Variants in CEMIP observed in about 807,000 individuals in gnomAD.
The protein encoded by CEMIP is cell migration-inducing and hyaluronan-binding protein.
In CEMIP, 105 loss-of-function variants were observed where a neutral mutation model predicts 156.9. That is an observed-to-expected ratio of 0.67 (90% CI 0.57 to 0.79). The LOEUF (loss-of-function observed/expected upper bound fraction) is 0.79, where lower values mean the gene tolerates loss of function less well. Among genes scored for constraint, CEMIP ranks in the 30% least tolerant of loss-of-function variants. The pLI, the probability that CEMIP is intolerant of heterozygous loss-of-function variation, is 0.00. For missense variants in CEMIP, 1,457 were observed against 1,769.4 expected (o/e 0.82, Z 3.17); for synonymous variants, 676 against 668.4 (o/e 1.01, Z -0.17).
At chr15:80,787,387 C>A (rs1239701137) in intron 1 of CEMIP, among the ~76,000 whole-genome samples, 1 of 152,222 alleles carries the variant, frequency 6.6e-6, no homozygotes, top group African/African-American at 2.4e-5. Context: ...AGATGGGTTT[C>A]CCTCCAGGAT....
chr15:80,891,365 G>A (rs1268434061), intron 10 of CEMIP, among the ~76,000 whole-genome samples: 3 of 152,200 alleles, frequency 2.0e-5, no homozygotes, highest in Non-Finnish European at 4.4e-5. Flanking sequence ...CCCAGGCTGA[G>A]AGCTCCATAA....
At position 80,948,916 on chromosome 15, in the gene CEMIP, A is replaced by T. The variant is rs1466978961; in HGVS notation, c.4078A>T (p.Lys1360Ter). Residue 1360 changes from lysine to a stop codon, truncating the protein, a stop_gained, in exon 30 of 30, where the codon AAG becomes TAG. Transcript: ENST00000394685. LOFTEE classifies it high-confidence loss of function. ...VVPIPVVKKK[K>*]L ...GCCCATCCCTGTGGTGAAGAAGAAG[A>T]AGTTGTGAGGACAGCTGCCGCCCGG... 1.9e-6 allele frequency: 3 copies of T among 1,611,204 alleles called. No individual in the cohort carries two copies. Among genetic ancestry groups the T allele is most frequent in the African/African-American group, 1.3e-5 (1 of 75,024 alleles).
intron 1 of CEMIP, among the ~76,000 whole-genome samples, chr15:80,826,044 G>A (rs557854813): frequency 1.3e-5 from 2 of 152,250 alleles, no homozygotes; most frequent in African/African-American, 4.8e-5. Flanking sequence ...CCATCTGCAC[G>A]TCTTTCTTCT....
At position 80,810,978 on chromosome 15, in the gene CEMIP, C is replaced by T. The variant is rs376868450; in HGVS notation, c.-176+31364C>T. On this transcript the variant is annotated intron_variant, in intron 1 of 29. Transcript: ENST00000394685. ...GTCCATTCATTTGCCTGTCTATTTA[C>T]CAACCTACCCATCACGCAGACATCA... Among the ~76,000 whole-genome samples, 8 of 152,268 alleles carry T rather than the reference C, an allele frequency of 5.3e-5. 1 individual carries two copies. The highest frequency in any genetic ancestry group is 1.5e-5 in the Non-Finnish European group (1 of 68,028).
At chr15:80,829,363 T>C (rs930869916) in intron 1 of CEMIP, among the ~76,000 whole-genome samples, 1 of 152,200 alleles carries the variant, frequency 6.6e-6, no homozygotes, top group African/African-American at 2.4e-5. Context: ...CTGATGCCTT[T>C]GGGAATGAGA....
intron 1 of CEMIP, among the ~76,000 whole-genome samples, chr15:80,823,581 C>T (rs1389447320): frequency 1.3e-5 from 2 of 152,156 alleles, no homozygotes; most frequent in Non-Finnish European, 2.9e-5. Flanking sequence ...ATCCTCAAAC[C>T]ACCCACGCCA....
At chr15:80,785,563 G>A (rs904631874) in intron 1 of CEMIP, among the ~76,000 whole-genome samples, 4 of 152,236 alleles carry the variant, frequency 2.6e-5, no homozygotes, top group African/African-American at 9.6e-5. Flanking sequence ...AGAGCTGGCA[G>A]CCTGGTGAGA....
chr15:80,948,616 C>A (rs1901670355), intron 29 of CEMIP, 181 bp from the exon 30 acceptor site: 2 of 814,238 alleles, frequency 2.5e-6, no homozygotes, highest in Non-Finnish European at 4.1e-6. Flanking sequence ...CTGCCCCATA[C>A]AAACACATGT....
At chr15:80,823,239 T>A (rs11637649) in intron 1 of CEMIP, among the ~76,000 whole-genome samples, 23,640 of 152,118 alleles carry the variant, frequency 0.16, 2,387 homozygotes, top group East Asian at 0.4. Context: ...TTTACAGATA[T>A]TTGTATGTGT....
At position 80,949,274 on chromosome 15, in the gene CEMIP, G is replaced by A. The variant is rs981811174; in HGVS notation, c.*350G>A. 7.1e-5 allele frequency: 27 copies of A among 379,834 alleles called. No homozygotes were observed. Among genetic ancestry groups the A allele is most frequent in the African/African-American group, 5.6e-4 (27 of 47,918 alleles). The allele number at this position is 379,834 out of a possible 1,614,324, so 23.5% of individuals were successfully genotyped here. On this transcript the variant is annotated 3_prime_UTR_variant, in exon 30 of 30. Coordinates refer to ENST00000394685, the MANE Select transcript of CEMIP (RefSeq NM_001293298.2). ...ACAGCAAAGATCCACTTTGGCAGGAGCCCTGACCCAGCTAGGAGGTAGTCT... is the reference window on the plus strand; with the variant it reads ...ACAGCAAAGATCCACTTTGGCAGGAACCCTGACCCAGCTAGGAGGTAGTCT...
chr15:80,840,185 G>GTTC (rs911603478), intron 1 of CEMIP, among the ~76,000 whole-genome samples: 5 of 152,348 alleles, frequency 3.3e-5, no homozygotes, highest in African/African-American at 1.2e-4. Flanking sequence ...GGGGATCAGT[G>GTTC]TTCTCCAGGA....
chr15:80,794,970 G>A (rs1279191130), intron 1 of CEMIP, among the ~76,000 whole-genome samples: 2 of 152,100 alleles, frequency 1.3e-5, no homozygotes, highest in East Asian at 3.9e-4. Context: ...GGAGGATAGT[G>A]AGTAGAAGCT....
intron 28 of CEMIP, among the ~76,000 whole-genome samples, chr15:80,945,815 T>C (rs1244321892): frequency 6.6e-6 from 1 of 152,222 alleles, no homozygotes; most frequent in South Asian, 2.1e-4. Flanking sequence ...CACTTCCTCC[T>C]ATCTGGCCCA....
intron 1 of CEMIP, among the ~76,000 whole-genome samples, chr15:80,824,449 A>G (rs1332623987): frequency 6.6e-6 from 1 of 152,136 alleles, no homozygotes; most frequent in Non-Finnish European, 1.5e-5. Context: ...GGCATCCCTG[A>G]AGAGTTCTGC....
chr15:80,874,163 T>A (rs1898393605), intron 3 of CEMIP, among the ~76,000 whole-genome samples, 190 bp downstream of exon 3: 1 of 152,242 alleles, frequency 6.6e-6, no homozygotes, highest in Non-Finnish European at 1.5e-5. Flanking sequence ...AGTTTCATCA[T>A]CCACAAAATG....
At position 80,906,559 on chromosome 15, in the gene CEMIP, A is replaced by G. The variant is rs1317844781; in HGVS notation, c.1412-104A>G. ...CATGAGACCACTGTGCACACCAGGCATGGCGATGAGTAAGCAGCAGCCATG... is the reference window on the plus strand; with the variant it reads ...CATGAGACCACTGTGCACACCAGGCGTGGCGATGAGTAAGCAGCAGCCATG... On this transcript the variant is annotated intron_variant, in intron 12 of 29. Coordinates refer to ENST00000394685, the MANE Select transcript of CEMIP (RefSeq NM_001293298.2). The surrounding 1 kb of genome is among the most constrained non-coding windows in gnomAD (Gnocchi z 4.3). The G allele has an allele frequency of 8.6e-7, 1 of 1,165,494 alleles. No individual in the cohort carries two copies. The highest frequency in any genetic ancestry group is 1.5e-5 in the African/African-American group (1 of 65,732). 72.2% of individuals were successfully genotyped at this position (1,165,494 alleles called of 1,614,324 possible). A position where few individuals can be genotyped will look rare whatever the true frequency, so the allele number is the denominator to read the frequency against.
In CEMIP at chr15:80,921,041, C is replaced by T. The variant is rs1900452959; in HGVS notation, c.2013C>T (p.Ser671=). ...PKPRQDCNAV[S]TFWMANPNNN... is the part of the protein sequence containing the mutation. Reference sequence around the variant, plus strand: ...TCTGCCCTCCCTGCAGTGCTGTGTCCACCTTCTGGATGGCCAATCCCAACA... The same window carrying T: ...TCTGCCCTCCCTGCAGTGCTGTGTCTACCTTCTGGATGGCCAATCCCAACA... The change falls in exon 16 of 30, where the codon TCC becomes TCT. Residue 671 remains serine (S), a synonymous_variant. Coordinates refer to ENST00000394685, the MANE Select transcript of CEMIP (RefSeq NM_001293298.2). 6.2e-7 allele frequency: 1 copy of T among 1,614,050 alleles called. No homozygotes were observed. The highest frequency in any genetic ancestry group is 1.3e-5 in the African/African-American group (1 of 74,922).
intron 1 of CEMIP, 93 bp downstream of exon 1, chr15:80,779,707 A>G: frequency 6.6e-6 from 1 of 152,412 alleles, no homozygotes; most frequent in East Asian, 1.9e-4. Flanking sequence ...TCCACCCGGC[A>G]CAGGGTAAAC....
At chr15:80,867,073 G>C (rs556667855) in intron 1 of CEMIP, among the ~76,000 whole-genome samples, 3 of 152,080 alleles carry the variant, frequency 2.0e-5, no homozygotes, top group Admixed American at 6.5e-5. Flanking sequence ...TGTGGGCCTC[G>C]GTTTGCAAAT....
Sources: allele counts gnomAD v4.1 joint callset (sites outside exome capture counted in the v4.1 genomes callset), GRCh38; gene constraint gnomAD v4.1.1; non-coding constraint Gnocchi (gnomAD v3.1); transcripts MANE v1.5; gene names NCBI Gene and HGNC (gene_info 2026-07-23, HGNC 2026-07-21).